ATXN1: variants seen among roughly 807,000 people sequenced by gnomAD.
ATXN1 encodes the protein ataxin 1.
Under a neutral mutation model 56.4 loss-of-function variants are expected in ATXN1, and 8 were observed. The observed-to-expected ratio is 0.14, with a 90% confidence interval of 0.08 to 0.26. The LOEUF (loss-of-function observed/expected upper bound fraction) is 0.26. ATXN1 is among the 10% of genes least tolerant of loss of function. The pLI, the probability that ATXN1 is intolerant of heterozygous loss-of-function variation, is 1.00. For missense variants in ATXN1, 987 were observed against 1,106.5 expected, an observed-to-expected ratio of 0.89 and a Z score of 1.53; for synonymous variants, 514 against 494.6, an observed-to-expected ratio of 1.04 and a Z score of -0.52.
intron 6 of ATXN1, among the ~76,000 whole-genome samples, chr6:16,337,326 C>T (rs571930867): frequency 1.3e-5 from 2 of 152,366 alleles, no homozygotes; most frequent in South Asian, 4.1e-4. Context: ...GGCTGGGGTC[C>T]CCCTGCGTGG....
chr6:16,299,848 A>C lies in ATXN1; in HGVS notation c.*6481T>G, dbSNP rs968030355. On this transcript the variant is annotated 3_prime_UTR_variant, in exon 8 of 8. Transcript: ENST00000436367. ...ATGAGGAAACCCCGCCAAAAAGGGC[A>C]GTATTCACAGAACTGAATGCACAGG... 6.5e-6 allele frequency: 1 copy of C among 152,688 alleles called. No homozygotes were observed. Among genetic ancestry groups the C allele is most frequent in the Non-Finnish European group, 1.5e-5 (1 of 68,050 alleles). The allele number at this position is 152,688 out of a possible 1,614,324, so 9.5% of individuals were successfully genotyped here.
At chr6:16,617,424 G>GA (rs956297147) in intron 3 of ATXN1, among the ~76,000 whole-genome samples, 4 of 150,934 alleles carry the variant, frequency 2.7e-5, no homozygotes, top group African/African-American at 7.3e-5. Context: ...AATAAATGCT[G>GA]AAAAAAAATA....
intron 6 of ATXN1, among the ~76,000 whole-genome samples, chr6:16,384,770 G>A (rs1758203966): frequency 2.6e-5 from 4 of 152,154 alleles, no homozygotes; most frequent in Admixed American, 6.5e-5. Context: ...TTCTCCTTCT[G>A]CCATGATTGT....
rs1758346699 is a variant in ATXN1, at chr6:16,391,136, T to C, written c.-160-62666A>G. Among the ~76,000 whole-genome samples the C allele has an allele frequency of 4.9e-5, 6 of 121,632 alleles. No individual in the cohort carries two copies. The South Asian group carries it at 1.5e-3, about 31-fold the overall frequency. 79.8% of individuals were successfully genotyped at this position (121,632 alleles called of 152,430 possible). A position where few individuals can be genotyped will look rare whatever the true frequency, so the allele number is the denominator to read the frequency against. Reference sequence around the variant, plus strand: ...GAGATTGCGTCACTGCACTCCAGCCTGGGTGACACAGCAAGACTCCATCTC... The same window carrying C: ...GAGATTGCGTCACTGCACTCCAGCCCGGGTGACACAGCAAGACTCCATCTC... On this transcript the variant is annotated intron_variant, in intron 6 of 7. Transcript: ENST00000436367.
intron 6 of ATXN1, among the ~76,000 whole-genome samples, chr6:16,471,727 GA>G (rs1186996240): frequency 6.6e-6 from 1 of 150,902 alleles, no homozygotes; most frequent in Non-Finnish European, 1.5e-5. Flanking sequence ...GAAAGAGAGA[GA>G]GTCTGTCATT....
chr6:16,680,743 C>T (rs974668656), intron 2 of ATXN1, among the ~76,000 whole-genome samples: 1 of 152,168 alleles, frequency 6.6e-6, no homozygotes, highest in African/African-American at 2.4e-5. Context: ...CAGAAAAAAG[C>T]TGAAGTATGA....
chr6:16,509,754 G>C (rs1295039652), intron 5 of ATXN1, among the ~76,000 whole-genome samples: 1 of 151,984 alleles, frequency 6.6e-6, no homozygotes, highest in South Asian at 2.1e-4. Flanking sequence ...AAAATCTCTT[G>C]TTGCTGGTTC....
Position 16,508,955 on chromosome 6 carries a change from CAT to C in ATXN1, c.-299+13670_-299+13671del, listed in dbSNP as rs373523557. Among the ~76,000 whole-genome samples the C allele has an allele frequency of 7.7e-4, 117 of 152,236 alleles. 1 individual carries two copies. Among genetic ancestry groups the C allele is most frequent in the African/African-American group, 2.6e-3 (108 of 41,538 alleles). On this transcript the variant is annotated intron_variant, in intron 5 of 7. Coordinates refer to ENST00000436367, the MANE Select transcript of ATXN1 (RefSeq NM_001128164.2). Reference sequence around the variant, plus strand: ...AGCCTTAAAAAAAGAAATTCTGACACATGTTACAACATGGATGACCTTGAGGA... The same window carrying C: ...AGCCTTAAAAAAAGAAATTCTGACACGTTACAACATGGATGACCTTGAGGA...
intron 5 of ATXN1, among the ~76,000 whole-genome samples, chr6:16,497,210 G>C (rs1760796768): frequency 6.6e-6 from 1 of 152,014 alleles, no homozygotes; most frequent in Admixed American, 6.6e-5. Context: ...GAGCACTCAA[G>C]TGTTGTGTGT....
intron 4 of ATXN1, among the ~76,000 whole-genome samples, chr6:16,566,689 T>C (rs1311919281): frequency 1.3e-5 from 2 of 151,748 alleles, no homozygotes; most frequent in East Asian, 3.9e-4. Flanking sequence ...CCGTCTCTAC[T>C]AAAAATACAA....
chr6:16,578,469 T>A (rs1286533264), intron 4 of ATXN1, among the ~76,000 whole-genome samples: 1 of 152,228 alleles, frequency 6.6e-6, no homozygotes, highest in African/African-American at 2.4e-5. Context: ...CTCAACCACA[T>A]CTACTTCTCG....
intron 6 of ATXN1, chr6:16,432,675 A>C (rs973697540): frequency 2.6e-5 from 4 of 151,944 alleles, no homozygotes; most frequent in Non-Finnish European, 5.9e-5. Context: ...AAATTTGCTT[A>C]ACCTATTTCT....
rs142063883 is a variant in ATXN1, at chr6:16,380,155, C to T, written c.-160-51685G>A. The stretch of plus-strand genomic sequence containing the variant: ...CTGTAATCTGCCCAGATCACAGATG[C>T]GCAGAAACAAGGCATCAGATTCCCT... On this transcript the variant is annotated intron_variant, in intron 6 of 7. Coordinates refer to ENST00000436367, the MANE Select transcript of ATXN1 (RefSeq NM_001128164.2). Among the ~76,000 whole-genome samples the T allele has an allele frequency of 2.9e-3, 438 of 152,228 alleles. 4 individuals are homozygous for T. Among genetic ancestry groups the T allele is most frequent in the African/African-American group, 9.7e-3 (403 of 41,516 alleles).
intron 2 of ATXN1, among the ~76,000 whole-genome samples, chr6:16,692,068 A>C (rs140552583): frequency 2.0e-5 from 3 of 152,234 alleles, no homozygotes; most frequent in Non-Finnish European, 4.4e-5. Flanking sequence ...GTTCGAGACC[A>C]GCCTGGCCAA....
Position 16,327,041 on chromosome 6 carries a change from G to A in ATXN1, c.1270C>T (p.Arg424Trp), listed in dbSNP as rs1231789446. The change falls in exon 7 of 8, where the codon CGG becomes TGG. Residue 424 changes from arginine to tryptophan, a missense_variant. This residue lies in a region of ATXN1 where 723 missense variants were observed against 791.7 expected (regional missense o/e 0.91). Coordinates refer to ENST00000436367, the MANE Select transcript of ATXN1 (RefSeq NM_001128164.2). ...GTGTGGGGTGAGAGCGCGTAGGACCGGTGGCCAGGCTTCCCTAAATGCAGG... is the reference window on the plus strand; with the variant it reads ...GTGTGGGGTGAGAGCGCGTAGGACCAGTGGCCAGGCTTCCCTAAATGCAGG... ...SGLHLGKPGH[R>W]SYALSPHTVI... The A allele has an allele frequency of 6.2e-6, 10 of 1,614,098 alleles. No homozygotes were observed. Among genetic ancestry groups the A allele is most frequent in the Non-Finnish European group, 7.6e-6 (9 of 1,180,026 alleles).
intron 3 of ATXN1, among the ~76,000 whole-genome samples, chr6:16,620,260 C>T (rs1308829507): frequency 7.9e-6 from 1 of 125,842 alleles, no homozygotes; most frequent in Non-Finnish European, 1.7e-5. Context: ...CTCTGTCTCT[C>T]AAACACACAC....
At chr6:16,704,334 C>A (rs1473021308) in intron 2 of ATXN1, among the ~76,000 whole-genome samples, 1 of 152,098 alleles carries the variant, frequency 6.6e-6, no homozygotes, top group Non-Finnish European at 1.5e-5. Context: ...ACCCCCTTTC[C>A]CCCCAAGATT....
At chr6:16,741,126 A>C (rs1476554333) in intron 2 of ATXN1, among the ~76,000 whole-genome samples, 1 of 152,220 alleles carries the variant, frequency 6.6e-6, no homozygotes, top group Non-Finnish European at 1.5e-5. Flanking sequence ...GGAATCTAGT[A>C]AATCAGTCAA....
chr6:16,755,070 A>G (rs1327277015), intron 1 of ATXN1, among the ~76,000 whole-genome samples: 2 of 152,346 alleles, frequency 1.3e-5, no homozygotes, highest in Non-Finnish European at 2.9e-5. Context: ...ATGTGTGTGC[A>G]CACAATCCTG....
Sources: allele counts gnomAD v4.1 joint callset (sites outside exome capture counted in the v4.1 genomes callset), GRCh38; gene constraint gnomAD v4.1.1; regional missense constraint gnomAD v4.1.1; transcripts MANE v1.5; gene names NCBI Gene and HGNC (gene_info 2026-07-23, HGNC 2026-07-21).